The following SLC48A1 variants were observed in gnomAD, a reference collection of about 807,000 sequenced individuals.
SLC48A1 encodes the protein heme transporter HRG1.
Under a neutral mutation model 14.8 loss-of-function variants are expected in SLC48A1, and 6 were observed. That is an observed-to-expected ratio of 0.41 (90% CI 0.22 to 0.80). The LOEUF is 0.80. Ranked by LOEUF, SLC48A1 falls within the 30% of genes least tolerant of loss-of-function variation. The pLI is 0.34. For missense variants in SLC48A1, 165 were observed against 204.8 expected (o/e 0.81, Z 1.19); for synonymous variants, 89 against 90.0 (o/e 0.99, Z 0.06).
intron 1 of SLC48A1, among the ~76,000 whole-genome samples, chr12:47,759,421 G>GCA (rs372919375): frequency 9.6e-6 from 1 of 104,696 alleles, no homozygotes; most frequent in Admixed American, 8.8e-5. Context: ...CCCTGCCCCA[G>GCA]CACACACACA....
intron 2 of SLC48A1, among the ~76,000 whole-genome samples, chr12:47,764,741 TG>T (rs1942473995): frequency 6.6e-6 from 1 of 152,212 alleles, no homozygotes; most frequent in Non-Finnish European, 1.5e-5. Context: ...AAAGTTTTCC[TG>T]GCATCAGATC....
chr12:47,758,930 T>G (rs1245368963), intron 1 of SLC48A1: 22 of 1,030,824 alleles, frequency 2.1e-5, no homozygotes, highest in East Asian at 8.2e-5. Flanking sequence ...GCCCGCCCCC[T>G]TCCCCTCCCC....
upstream of SLC48A1, chr12:47,770,874 G>A (rs776115889): frequency 6.4e-5 from 29 of 456,546 alleles, no homozygotes; most frequent in African/African-American, 4.0e-5. Flanking sequence ...CAAAGCGGCC[G>A]CTTTATTTCT....
upstream of SLC48A1, chr12:47,758,520 T>C (rs765785203): frequency 6.8e-6 from 11 of 1,611,258 alleles, no homozygotes; most frequent in Admixed American, 1.2e-4. Flanking sequence ...CCTCTCCTGC[T>C]CCTCCTCAAC....
upstream of SLC48A1, among the ~76,000 whole-genome samples, chr12:47,757,101 C>T (rs1454181136): frequency 6.6e-6 from 1 of 152,188 alleles, no homozygotes; most frequent in Admixed American, 6.5e-5. Context: ...CAAGACCTAC[C>T]TAGGCAACAT....
At chr12:47,775,150 T>C (rs1942718334) in intron 1 of SLC48A1, among the ~76,000 whole-genome samples, 1 of 152,188 alleles carries the variant, frequency 6.6e-6, no homozygotes, top group African/African-American at 2.4e-5. Context: ...AAAAGACATC[T>C]GACTTCCCTC....
upstream of SLC48A1, chr12:47,769,379 G>A (rs994426789): frequency 5.3e-5 from 8 of 152,296 alleles, no homozygotes; most frequent in African/African-American, 1.9e-4. Flanking sequence ...TTGGAAGGAA[G>A]CTGATATGAG....
upstream of SLC48A1, among the ~76,000 whole-genome samples, chr12:47,757,029 C>T (rs1444709502): frequency 6.6e-6 from 1 of 151,698 alleles, no homozygotes; most frequent in East Asian, 1.9e-4. Flanking sequence ...CGCAGTGGGT[C>T]ACGCCTGTAA....
intron 1 of SLC48A1, 166 bp from the exon 2 acceptor site, chr12:47,778,862 T>A: frequency 1.4e-6 from 1 of 738,772 alleles, no homozygotes; most frequent in East Asian, 2.9e-5. Flanking sequence ...GCTCAGTCTC[T>A]TACCTGCTTC....
rs553034390 is a variant in SLC48A1 at position 47,763,624 on chromosome 12, C to T, written c.-187+3223C>T. Among the ~76,000 whole-genome samples the T allele has an allele frequency of 1.3e-4, 20 of 152,356 alleles. No individual in the cohort carries two copies. In the East Asian group the frequency reaches 3.7e-3, roughly 28 times the overall value. On this transcript the variant is annotated intron_variant, in intron 2 of 4. Coordinates refer to the SLC48A1 transcript ENST00000547002. The stretch of plus-strand genomic sequence containing the variant: ...AGTTCCAGTTCAGCTCCTCCATCTC[C>T]TCCCTTGCCCATTCCTGGGGTGGGG...
chr12:47,757,850 G>C (rs1273148606), upstream of SLC48A1: 28 of 1,548,126 alleles, frequency 1.8e-5, no homozygotes, highest in Non-Finnish European at 2.4e-5. Context: ...CACCTGGGCA[G>C]GTGAAAGGTA....
chr12:47,759,204 A>C, intron 1 of SLC48A1: 1 of 678,266 alleles, frequency 1.5e-6, no homozygotes. Context: ...AAACAAGGAA[A>C]CCGGGGAGAG....
At chr12:47,768,711 A>G (rs1359470165), upstream of SLC48A1, 1 of 152,208 alleles carries the variant, frequency 6.6e-6, no homozygotes, top group African/African-American at 2.4e-5. Context: ...GCGGGGAGTG[A>G]GAAAGGAATG....
intron 1 of SLC48A1, among the ~76,000 whole-genome samples, chr12:47,773,839 C>T (rs1942683381): frequency 6.6e-6 from 1 of 152,262 alleles, no homozygotes; most frequent in Admixed American, 6.5e-5. Flanking sequence ...CGCACACACA[C>T]ACGGTTGTTC....
chr12:47,765,617 C>G (rs1942501059), intron 2 of SLC48A1, among the ~76,000 whole-genome samples: 1 of 152,186 alleles, frequency 6.6e-6, no homozygotes. Context: ...CTGTCACTGC[C>G]CCTGAGTCTG....
At chr12:47,767,067 C>T (rs1278845267), upstream of SLC48A1, among the ~76,000 whole-genome samples, 2 of 151,910 alleles carry the variant, frequency 1.3e-5, no homozygotes, top group African/African-American at 2.4e-5. Context: ...AGGAGGAAGG[C>T]GAAGCTGCAG....
In SLC48A1 at chr12:47,773,243, C is replaced by G; in HGVS notation, c.-62C>G. The G allele has an allele frequency of 8.5e-7, 1 of 1,178,868 alleles. No individual in the cohort carries two copies. The highest frequency in any genetic ancestry group is 1.0e-6 in the Non-Finnish European group (1 of 953,792). The allele number at this position is 1,178,868 out of a possible 1,614,324, so 73.0% of individuals were successfully genotyped here. The stretch of plus-strand genomic sequence containing the variant: ...CTCCCGCGGCTCCGGCTGGCGGCTT[C>G]GGGCCCTGCACCTGTGACTCTCGGC... On this transcript the variant is annotated 5_prime_UTR_variant, in exon 1 of 3. Transcript: ENST00000442218.
At chr12:47,762,653 C>T (rs557559140) in intron 2 of SLC48A1, among the ~76,000 whole-genome samples, 7 of 152,290 alleles carry the variant, frequency 4.6e-5, no homozygotes, top group South Asian at 2.1e-4. Context: ...TTCCTATTTG[C>T]GAGTGAGGAA....
At chr12:47,765,680 T>G (rs1592598332) in intron 2 of SLC48A1, among the ~76,000 whole-genome samples, 1 of 152,248 alleles carries the variant, frequency 6.6e-6, no homozygotes, top group African/African-American at 2.4e-5. Context: ...CTGCAGGGCA[T>G]CATTTCTCTG....
Sources: gnomAD v4.1 joint callset for allele counts (sites outside exome capture counted in the v4.1 genomes callset) on GRCh38, gnomAD v4.1.1 for gene constraint, MANE v1.5 for transcripts, NCBI Gene and HGNC (gene_info 2026-07-23, HGNC 2026-07-21) for gene names.